The following FAM135B variants were observed in gnomAD, a reference collection of about 807,000 sequenced individuals.
FAM135B encodes the protein family with sequence similarity 135 member B.
A neutral mutation model predicts 127.7 loss-of-function variants in FAM135B; 43 were observed. The observed-to-expected ratio is 0.34, with a 90% CI of 0.26 to 0.43. FAM135B has a LOEUF of 0.43. Ranked by LOEUF, FAM135B falls within the 20% of genes least tolerant of loss-of-function variation. FAM135B has a pLI of 1.00. For synonymous variants in FAM135B, 670 were observed against 665.1 expected (o/e 1.01, Z -0.11); for missense variants, 1,558 against 1,725.6 (o/e 0.90, Z 1.72).
At position 138,179,818 on chromosome 8, in the gene FAM135B, G is replaced by C. The variant is rs145716087; in HGVS notation, c.874-1128C>G. Among the ~76,000 whole-genome samples the C allele has an allele frequency of 1.2e-3, 182 of 152,116 alleles. No individual in the cohort carries two copies. The East Asian group carries it at 0.013, about 11-fold the overall frequency. On this transcript the variant is annotated intron_variant, in intron 9 of 19. Coordinates refer to ENST00000395297, the MANE Select transcript of FAM135B (RefSeq NM_015912.4). ...CAGCAATCCTCCAATCTCAACCTCTGGCTGGGACTACAGGTGCATGCCACT... is the reference window on the plus strand; with the variant it reads ...CAGCAATCCTCCAATCTCAACCTCTCGCTGGGACTACAGGTGCATGCCACT...
At chr8:138,277,005 T>C (rs1303043862) in intron 3 of FAM135B, among the ~76,000 whole-genome samples, 1 of 152,220 alleles carries the variant, frequency 6.6e-6, no homozygotes, top group East Asian at 1.9e-4. Flanking sequence ...TCCTATCAGA[T>C]GCACTGGCTG....
intron 1 of FAM135B, among the ~76,000 whole-genome samples, chr8:138,484,347 A>C (rs903486632): frequency 6.6e-6 from 1 of 152,112 alleles, no homozygotes; most frequent in Non-Finnish European, 1.5e-5. Flanking sequence ...ATTGGCTGAG[A>C]GGGAAATGGT....
intron 7 of FAM135B, among the ~76,000 whole-genome samples, chr8:138,203,343 T>C (rs1817294493): frequency 6.6e-6 from 1 of 152,102 alleles, no homozygotes; most frequent in African/African-American, 2.4e-5. Flanking sequence ...GACCCCACTT[T>C]GCCCAACACC....
At chr8:138,211,016 T>C (rs944014589) in intron 7 of FAM135B, among the ~76,000 whole-genome samples, 11 of 152,120 alleles carry the variant, frequency 7.2e-5, no homozygotes, top group African/African-American at 2.7e-4. Flanking sequence ...GAATGAGGTG[T>C]ACCTGATCCC....
intron 12 of FAM135B, among the ~76,000 whole-genome samples, chr8:138,158,286 A>T (rs1818972393): frequency 6.6e-6 from 1 of 152,222 alleles, no homozygotes; most frequent in South Asian, 2.1e-4. Context: ...CTTACACCTT[A>T]TACAAAAATT....
At chr8:138,203,956 T>G (rs899851175) in intron 7 of FAM135B, among the ~76,000 whole-genome samples, 3 of 152,000 alleles carry the variant, frequency 2.0e-5, no homozygotes, top group African/African-American at 7.3e-5. Flanking sequence ...ACAACAGGGT[T>G]CATGCTCGAG....
At chr8:138,408,610 C>G (rs1332256565) in intron 1 of FAM135B, among the ~76,000 whole-genome samples, 3 of 152,174 alleles carry the variant, frequency 2.0e-5, no homozygotes, top group Non-Finnish European at 4.4e-5. Flanking sequence ...TTAATTGACT[C>G]ACAGTCTTGC....
In FAM135B at chr8:138,178,698, G is replaced by A. The variant is rs1219048516; in HGVS notation, c.874-8C>T. On this transcript the variant is annotated splice_polypyrimidine_tract_variant and splice_region_variant and intron_variant, in intron 9 of 19. Coordinates refer to ENST00000395297, the MANE Select transcript of FAM135B (RefSeq NM_015912.4). ...CTCTGGATTGTTCAACATCTGGAGAGGCAAAAAAGGTGGTATTCAAGGCTC... is the reference window on the plus strand; with the variant it reads ...CTCTGGATTGTTCAACATCTGGAGAAGCAAAAAAGGTGGTATTCAAGGCTC... The A allele has an allele frequency of 6.3e-7, 1 of 1,599,016 alleles. No homozygotes were observed. The highest frequency in any genetic ancestry group is 8.5e-7 in the Non-Finnish European group (1 of 1,172,098).
chr8:138,479,696 C>A (rs1056837824), intron 1 of FAM135B, among the ~76,000 whole-genome samples: 6 of 152,110 alleles, frequency 3.9e-5, no homozygotes, highest in Admixed American at 3.9e-4. Flanking sequence ...ATAAATTCAA[C>A]AAATATTAGT....
chr8:138,460,025 G>A (rs1175516367), intron 1 of FAM135B, among the ~76,000 whole-genome samples: 1 of 152,178 alleles, frequency 6.6e-6, no homozygotes, highest in Non-Finnish European at 1.5e-5. Flanking sequence ...CAAAAGCACT[G>A]TGAATAAGGC....
In FAM135B at chr8:138,151,520, C is replaced by T. The variant is rs1818144026; in HGVS notation, c.2955G>A (p.Val985=). The T allele has an allele frequency of 6.2e-7, 1 of 1,614,220 alleles. No homozygotes were observed. Among genetic ancestry groups the T allele is most frequent in the African/African-American group, 1.3e-5 (1 of 75,058 alleles). The stretch of plus-strand genomic sequence containing the variant: ...GAACGGAATGGGTCACAGTGGGGCA[C>T]ACAGTGCCTGCTTTATGTTTAGCCT... ...FPEAKHKAGT[V]CPTVTHSVHS... is the part of the protein sequence containing the mutation. Residue 985 remains valine (V), a synonymous_variant, in exon 13 of 20, where the codon GTG becomes GTA. Transcript: ENST00000395297.
At chr8:138,492,931 T>C (rs1815259169) in intron 1 of FAM135B, among the ~76,000 whole-genome samples, 1 of 152,178 alleles carries the variant, frequency 6.6e-6, no homozygotes. Flanking sequence ...AAGGACCTTG[T>C]GTTGTCTACA....
intron 7 of FAM135B, among the ~76,000 whole-genome samples, chr8:138,215,795 G>A (rs1174999626): frequency 1.3e-5 from 2 of 152,168 alleles, no homozygotes; most frequent in Non-Finnish European, 2.9e-5. Context: ...TCCCACCCAT[G>A]AATGGCTCAG....
intron 12 of FAM135B, among the ~76,000 whole-genome samples, chr8:138,167,639 C>T (rs1294475448): frequency 5.3e-5 from 8 of 152,144 alleles, no homozygotes; most frequent in East Asian, 1.9e-4. Context: ...CAGGTGAAAA[C>T]GCTGAAGCAC....
rs761817071 is a variant in FAM135B, at chr8:138,152,320, G to A, written c.2155C>T (p.Arg719Ter). Residue 719 changes from arginine to a stop codon, truncating the protein, a stop_gained, in exon 13 of 20, where the codon CGA (arginine) becomes TGA (stop). Coordinates refer to ENST00000395297, the MANE Select transcript of FAM135B (RefSeq NM_015912.4). LOFTEE classifies it high-confidence loss of function. The part of the protein sequence containing the change: ...SDREVLHPFV[R>*]RHALHRNSLE... ...GAGTTCCGGTGGAGGGCATGTCTTC[G>A]AACAAACGGGTGCAAGACTTCCCGA... The A allele has an allele frequency of 1.9e-6, 3 of 1,614,108 alleles. No homozygotes were observed. Among genetic ancestry groups the A allele is most frequent in the Non-Finnish European group, 2.5e-6 (3 of 1,180,042 alleles).
chr8:138,466,217 G>C (rs1451283191), intron 1 of FAM135B, among the ~76,000 whole-genome samples: 6 of 152,210 alleles, frequency 3.9e-5, no homozygotes, highest in Non-Finnish European at 8.8e-5. Flanking sequence ...TCTGAATCAA[G>C]AAGACAGACT....
At chr8:138,210,155 T>C (rs1212612172) in intron 7 of FAM135B, among the ~76,000 whole-genome samples, 2 of 152,216 alleles carry the variant, frequency 1.3e-5, no homozygotes, top group Non-Finnish European at 2.9e-5. Context: ...CTCTGGACAT[T>C]GTGACCATTG....
intron 4 of FAM135B, among the ~76,000 whole-genome samples, chr8:138,257,246 A>G: frequency 6.6e-6 from 1 of 152,116 alleles, no homozygotes; most frequent in East Asian, 1.9e-4. Flanking sequence ...CCAGAGGAGG[A>G]AGCTCATGTT....
chr8:138,146,262 A>G (rs1387779057), intron 14 of FAM135B, among the ~76,000 whole-genome samples: 3 of 152,160 alleles, frequency 2.0e-5, no homozygotes, highest in Admixed American at 2.0e-4. Flanking sequence ...GGTTCTTTCT[A>G]GCGGTCCCAC....
Sources: gnomAD v4.1 joint callset for allele counts (sites outside exome capture counted in the v4.1 genomes callset) on GRCh38, gnomAD v4.1.1 for gene constraint, MANE v1.5 for transcripts, NCBI Gene and HGNC (gene_info 2026-07-23, HGNC 2026-07-21) for gene names.